Variants in DLGAP4 observed in about 807,000 individuals in gnomAD.
DLGAP4 encodes disks large-associated protein 4.
Under a neutral mutation model 86.9 loss-of-function variants are expected in DLGAP4, and 18 were observed. The observed-to-expected ratio is 0.21, with a 90% CI of 0.14 to 0.31. The LOEUF is 0.31. Ranked by LOEUF, DLGAP4 falls within the 10% of genes least tolerant of loss-of-function variation. The probability of loss-of-function intolerance (pLI) is 1.00; values close to 1 mark genes in which losing one functional copy is unlikely to be tolerated. For synonymous variants in DLGAP4, 548 were observed against 574.3 expected (o/e 0.95, Z 0.65); for missense variants, 1,085 against 1,362.6 (o/e 0.80, Z 3.21).
rs2065280654 is a variant in DLGAP4 at position 36,332,579 on chromosome 20, A to G, written c.-304+26067A>G. The stretch of plus-strand genomic sequence containing the variant: ...TAATTTTTGTATTTTTAGTAGAGAC[A>G]GGGTTTTGCCATGTTGGTCAGGCTG... On this transcript the variant is annotated intron_variant, in intron 1 of 12. Transcript: ENST00000339266. 7.9e-5 allele frequency among the ~76,000 whole-genome samples: 12 copies of G among 152,034 alleles called. No homozygotes were observed. The South Asian group carries it at 2.5e-3, about 32-fold the overall frequency.
At position 36,432,080 on chromosome 20, in the gene DLGAP4, C is replaced by G; in HGVS notation, c.363C>G (p.Thr121=). The G allele has an allele frequency of 6.2e-7, 1 of 1,614,184 alleles. No individual in the cohort carries two copies. Among genetic ancestry groups the G allele is most frequent in the Non-Finnish European group, 8.5e-7 (1 of 1,180,044 alleles). ...CCATCCACCGTGATGGCTTCAGCAC[C>G]CTCCAATTTCCCCGTGGCGAGGCCA... ...QLPIHRDGFS[T]LQFPRGEAKA... The change falls in exon 3 of 13, where the codon ACC becomes ACG. Residue 121 remains threonine (T), a synonymous_variant. Coordinates refer to ENST00000339266, the MANE Select transcript of DLGAP4 (RefSeq NM_001365621.2). This position sits in a 1 kb window ranked among gnomAD's most constrained non-coding sequence, Gnocchi z 6.5.
intron 2 of DLGAP4, among the ~76,000 whole-genome samples, chr20:36,376,316 C>G (rs528578936): frequency 6.6e-6 from 1 of 152,152 alleles, no homozygotes; most frequent in South Asian, 2.1e-4. Context: ...CTAAAAAATA[C>G]AAAAATTAGC....
chr20:36,362,108 G>A (rs1430086326), intron 1 of DLGAP4, among the ~76,000 whole-genome samples: 4 of 151,534 alleles, frequency 2.6e-5, no homozygotes, highest in East Asian at 1.9e-4. Context: ...CCTGGCCAAC[G>A]TGATGAAACC....
chr20:36,426,929 A>G (rs779751727), intron 2 of DLGAP4, among the ~76,000 whole-genome samples: 7 of 151,618 alleles, frequency 4.6e-5, no homozygotes, highest in Non-Finnish European at 1.0e-4. Context: ...TGTAATCCCA[A>G]CATTGTGGGA....
chr20:36,442,648 T>C (rs984466773), intron 5 of DLGAP4, 79 bp from the exon 6 acceptor site: 1 of 1,521,978 alleles, frequency 6.6e-7, no homozygotes. Flanking sequence ...GCTTCAAGTT[T>C]CCTTGCAATT....
chr20:36,499,752 T>C (rs1261768946), intron 9 of DLGAP4, 76 bp downstream of exon 9: 2 of 1,254,402 alleles, frequency 1.6e-6, no homozygotes, highest in Non-Finnish European at 2.2e-6. Context: ...CTGCTCTCCC[T>C]AACCCACTTC....
At chr20:36,464,230 C>G (rs1224338277) in intron 7 of DLGAP4, among the ~76,000 whole-genome samples, 1 of 152,188 alleles carries the variant, frequency 6.6e-6, no homozygotes, top group African/African-American at 2.4e-5. Context: ...ATGGGAATAA[C>G]ATTCCTTATC....
chr20:36,425,208 A>C (rs778023849), intron 2 of DLGAP4, among the ~76,000 whole-genome samples: 1 of 152,224 alleles, frequency 6.6e-6, no homozygotes, highest in Non-Finnish European at 1.5e-5. Flanking sequence ...GAATATATAC[A>C]AAGAATTCCT....
chr20:36,402,188 A>G (rs1252307610), intron 2 of DLGAP4, among the ~76,000 whole-genome samples: 1 of 152,210 alleles, frequency 6.6e-6, no homozygotes, highest in Non-Finnish European at 1.5e-5. Flanking sequence ...GGCTCTACTG[A>G]TGGGAATAGG....
chr20:36,487,866 T>A (rs2061174115), intron 7 of DLGAP4, among the ~76,000 whole-genome samples: 1 of 151,978 alleles, frequency 6.6e-6, no homozygotes, highest in Non-Finnish European at 1.5e-5. Context: ...GCACATTGAG[T>A]ATCACATCCT....
chr20:36,343,235 T>A (rs1242269556), intron 1 of DLGAP4, among the ~76,000 whole-genome samples: 1 of 152,180 alleles, frequency 6.6e-6, no homozygotes, highest in Non-Finnish European at 1.5e-5. Context: ...AGGAGACGGC[T>A]GCAGACATCG....
chr20:36,431,674 G>A lies in DLGAP4; in HGVS notation c.-44G>A, dbSNP rs748300148. The A allele has an allele frequency of 1.6e-5, 24 of 1,521,956 alleles. No homozygotes were observed. Among genetic ancestry groups the A allele is most frequent in the South Asian group, 1.2e-4 (9 of 76,906 alleles). 94.3% of individuals were successfully genotyped at this position (1,521,956 alleles called of 1,614,324 possible). A position where few individuals can be genotyped will look rare whatever the true frequency, so the allele number is the denominator to read the frequency against. On this transcript the variant is annotated 5_prime_UTR_variant, in exon 3 of 13. Coordinates refer to ENST00000339266, the MANE Select transcript of DLGAP4 (RefSeq NM_001365621.2). The surrounding 1 kb of genome is among the most constrained non-coding windows in gnomAD (Gnocchi z 5.1). The stretch of plus-strand genomic sequence containing the variant: ...AGCTGCCGCCCGGGAGAGGTGACCC[G>A]GGCGCCCTGCTAGGGTGAAGGCCCC...
At chr20:36,390,120 T>C (rs1042575070) in intron 2 of DLGAP4, among the ~76,000 whole-genome samples, 3 of 152,204 alleles carry the variant, frequency 2.0e-5, no homozygotes, top group African/African-American at 7.2e-5. Context: ...GCAGTGAACT[T>C]CAGCTGGGAG....
chr20:36,447,079 C>T, intron 7 of DLGAP4, 142 bp downstream of exon 7: 1 of 1,433,328 alleles, frequency 7.0e-7, no homozygotes, highest in Non-Finnish European at 9.1e-7. Flanking sequence ...GGAGCAAAAG[C>T]AGGAGGCCTT....
intron 4 of DLGAP4, among the ~76,000 whole-genome samples, chr20:36,437,946 C>T (rs1332252836): frequency 3.9e-5 from 6 of 152,142 alleles, no homozygotes; most frequent in Non-Finnish European, 7.3e-5. Context: ...CTCGCTATGT[C>T]GCCCAGGTTG....
At chr20:36,322,646 G>A (rs955287414) in intron 1 of DLGAP4, among the ~76,000 whole-genome samples, 2 of 152,136 alleles carry the variant, frequency 1.3e-5, no homozygotes, top group African/African-American at 2.4e-5. Flanking sequence ...TGTAGATGGA[G>A]GGCATCTGTG....
intron 1 of DLGAP4, among the ~76,000 whole-genome samples, chr20:36,363,531 G>A (rs545418841): frequency 1.3e-5 from 2 of 152,284 alleles, no homozygotes; most frequent in East Asian, 3.9e-4. Flanking sequence ...TGGCTTGCGT[G>A]TGAGAGGGGA....
At chr20:36,374,080 G>C (rs1047001244) in intron 2 of DLGAP4, among the ~76,000 whole-genome samples, 2 of 150,438 alleles carry the variant, frequency 1.3e-5, no homozygotes, top group African/African-American at 4.9e-5. Flanking sequence ...CTTGAACCCA[G>C]ATCTTACGGT....
In DLGAP4 at chr20:36,436,235, G is replaced by A. The variant is rs1367788971; in HGVS notation, c.1126G>A (p.Glu376Lys). Residue 376 changes from glutamate (E) to lysine (K), a missense_variant, in exon 4 of 13, where the codon GAG becomes AAG. By Grantham distance (56) the Glu-to-Lys change is moderately conservative. Around this residue, in one of 2 missense-constraint regions of DLGAP4, gnomAD observed 1,082 missense variants for 1,344.1 expected, o/e 0.81. Transcript: ENST00000339266. Reference protein sequence around the residue: ...SGSYIKAMGDEDSDESGGSPK... With the variant: ...SGSYIKAMGDKDSDESGGSPK... ...CAGCTACATCAAGGCCATGGGCGAC[G>A]AGGACAGCGACGAGTCCGGCGGCAG... The A allele has an allele frequency of 6.2e-7, 1 of 1,605,656 alleles. No homozygotes were observed. The highest frequency in any genetic ancestry group is 1.1e-5 in the South Asian group (1 of 90,910).
Sources: gnomAD v4.1 joint callset for allele counts (sites outside exome capture counted in the v4.1 genomes callset) on GRCh38, gnomAD v4.1.1 for gene constraint, gnomAD v4.1.1 regional missense constraint, Gnocchi (gnomAD v3.1) non-coding constraint, MANE v1.5 for transcripts, NCBI Gene and HGNC (gene_info 2026-07-23, HGNC 2026-07-21) for gene names.